The following CAMSAP2 variants were observed in gnomAD, a reference collection of about 807,000 sequenced individuals.
The protein encoded by CAMSAP2 is calmodulin-regulated spectrin-associated protein 2.
CAMSAP2 carries 26 observed loss-of-function variants against 146.1 expected under a neutral mutation model. The observed-to-expected ratio is 0.18, with a 90% CI of 0.13 to 0.25. The LOEUF (loss-of-function observed/expected upper bound fraction) is 0.25, where lower values mean the gene tolerates loss of function less well. CAMSAP2 is among the 10% of genes least tolerant of loss of function. The pLI is 1.00. For missense variants in CAMSAP2, 1,381 were observed against 1,759.3 expected (o/e 0.78, Z 3.85); for synonymous variants, 499 against 596.6 (o/e 0.84, Z 2.38).
chr1:200,777,833 G>A (rs1048515613), intron 2 of CAMSAP2, among the ~76,000 whole-genome samples: 2 of 152,144 alleles, frequency 1.3e-5, no homozygotes, highest in Admixed American at 1.3e-4. Flanking sequence ...CCAGCTACTC[G>A]GGAGGCTGAG....
chr1:200,778,913 C>T (rs1245558734), intron 2 of CAMSAP2, among the ~76,000 whole-genome samples: 2 of 152,250 alleles, frequency 1.3e-5, no homozygotes, highest in South Asian at 4.1e-4. Flanking sequence ...CTATGACCTA[C>T]GGCTCTTGGC....
chr1:200,744,508 A>G (rs767273207), intron 1 of CAMSAP2, among the ~76,000 whole-genome samples: 2 of 152,218 alleles, frequency 1.3e-5, no homozygotes, highest in Non-Finnish European at 2.9e-5. Context: ...GTCAAATCCT[A>G]TGTGTTTAAG....
Position 200,850,225 on chromosome 1 carries a change from C to G in CAMSAP2, c.3456C>G (p.Phe1152Leu), listed in dbSNP as rs747613630. 6.3e-7 allele frequency: 1 copy of G among 1,579,954 alleles called. No homozygotes were observed. Residue 1152 changes from phenylalanine (F) to leucine (L), a missense_variant, in exon 11 of 17, where the codon TTC becomes TTG. By Grantham distance (22) the Phe-to-Leu change is conservative (BLOSUM62 0). Coordinates refer to ENST00000358823, the MANE Select transcript of CAMSAP2 (RefSeq NM_203459.4). The part of the protein sequence containing the change: ...FDDDQKVCCG[F>L]FFKDDQKAEN... The stretch of plus-strand genomic sequence containing the variant: ...ATGACCAGAAAGTATGCTGTGGATT[C>G]TTTTTTAAGGTGTAGTATTAATCTG...
chr1:200,759,047 T>C (rs748519469), intron 1 of CAMSAP2, among the ~76,000 whole-genome samples: 4 of 152,160 alleles, frequency 2.6e-5, no homozygotes, highest in Non-Finnish European at 5.9e-5. Flanking sequence ...TTAGCTAATA[T>C]ACAAAGTCCT....
chr1:200,857,245 ATAG>A lies in CAMSAP2; in HGVS notation c.4013-55_4013-53del. The A allele has an allele frequency of 9.1e-7, 1 of 1,101,970 alleles. No individual in the cohort carries two copies. Among genetic ancestry groups the A allele is most frequent in the African/African-American group, 1.6e-5 (1 of 63,870 alleles). 68.3% of individuals were successfully genotyped at this position (1,101,970 alleles called of 1,614,324 possible). A position where few individuals can be genotyped will look rare whatever the true frequency, so the allele number is the denominator to read the frequency against. On this transcript the variant is annotated intron_variant, in intron 15 of 16. Transcript: ENST00000358823. This position sits in a 1 kb window ranked among gnomAD's most constrained non-coding sequence, Gnocchi z 4.7. ...GTAGGAACAATTACATCATTTTAAA[ATAG>A]TAGTATTTCTGACTTAGGAATGTTA...
Position 200,857,681 on chromosome 1 carries a change from A to G in CAMSAP2, c.4132-73A>G, listed in dbSNP as rs1453550125. ...TGTGACTAAGAAACGTAACATAATT[A>G]TATAAACTTTATTCAGCAAAATAAA... is the stretch of plus-strand genomic sequence containing the variant. On this transcript the variant is annotated intron_variant, in intron 16 of 16. Transcript: ENST00000358823. The surrounding 1 kb of genome is among the most constrained non-coding windows in gnomAD (Gnocchi z 4.7). 1.6e-6 allele frequency: 2 copies of G among 1,267,726 alleles called. No homozygotes were observed. The highest frequency in any genetic ancestry group is 2.2e-6 in the Non-Finnish European group (2 of 915,632). 78.5% of individuals were successfully genotyped at this position (1,267,726 alleles called of 1,614,324 possible). A position where few individuals can be genotyped will look rare whatever the true frequency, so the allele number is the denominator to read the frequency against.
chr1:200,830,052 G>A (rs374377102), intron 4 of CAMSAP2, among the ~76,000 whole-genome samples: 1 of 152,192 alleles, frequency 6.6e-6, no homozygotes, highest in Admixed American at 6.5e-5. Flanking sequence ...AAACTTCTTA[G>A]TTTGCAGAAA....
intron 4 of CAMSAP2, among the ~76,000 whole-genome samples, chr1:200,821,155 C>G (rs1367147322): frequency 6.6e-6 from 1 of 151,312 alleles, no homozygotes; most frequent in Non-Finnish European, 1.5e-5. Flanking sequence ...ATAAATCTAT[C>G]CATATGTAGC....
chr1:200,837,544 T>G (rs918610496), intron 6 of CAMSAP2, among the ~76,000 whole-genome samples: 1 of 152,214 alleles, frequency 6.6e-6, no homozygotes, highest in East Asian at 1.9e-4. Context: ...TAAGATTGCC[T>G]TGGGTATTCA....
At chr1:200,809,125 A>G (rs765849385) in intron 3 of CAMSAP2, among the ~76,000 whole-genome samples, 4 of 152,020 alleles carry the variant, frequency 2.6e-5, no homozygotes, top group Non-Finnish European at 4.4e-5. Context: ...TAATTCTCGG[A>G]CCTTCTGTAA....
chr1:200,826,911 G>T (rs1206977144), intron 4 of CAMSAP2, among the ~76,000 whole-genome samples: 1 of 152,066 alleles, frequency 6.6e-6, no homozygotes, highest in Non-Finnish European at 1.5e-5. Context: ...TGTCCTCGTG[G>T]TTATTTACAT....
At chr1:200,820,333 G>A (rs1035594076) in intron 4 of CAMSAP2, among the ~76,000 whole-genome samples, 2 of 152,136 alleles carry the variant, frequency 1.3e-5, no homozygotes, top group African/African-American at 4.8e-5. Flanking sequence ...TGGGATTATA[G>A]GTATGAGACA....
chr1:200,750,634 T>C (rs1664475191), intron 1 of CAMSAP2, among the ~76,000 whole-genome samples: 1 of 151,644 alleles, frequency 6.6e-6, no homozygotes, highest in African/African-American at 2.4e-5. Flanking sequence ...CATCTTTTTT[T>C]TTTTTTTGAG....
chr1:200,849,577 T>C lies in CAMSAP2; in HGVS notation c.2808T>C (p.Ser936=). 6.2e-7 allele frequency: 1 copy of C among 1,614,216 alleles called. No individual in the cohort carries two copies. The highest frequency in any genetic ancestry group is 8.5e-7 in the Non-Finnish European group (1 of 1,180,032). Residue 936 remains serine (S), a synonymous_variant, in exon 11 of 17, where the codon TCT becomes TCC. Transcript: ENST00000358823. The surrounding 1 kb of genome is among the most constrained non-coding windows in gnomAD (Gnocchi z 6.3). The part of the protein sequence containing the change: ...PQKQIRDFKP[S]KQAGLSSAIA... ...AACAGATTCGAGATTTTAAGCCTTCTAAGCAGGCAGGCCTGTCATCAGCCA... is the reference window on the plus strand; with the variant it reads ...AACAGATTCGAGATTTTAAGCCTTCCAAGCAGGCAGGCCTGTCATCAGCCA...
chr1:200,803,855 A>G (rs1666099247), intron 2 of CAMSAP2, among the ~76,000 whole-genome samples: 2 of 151,640 alleles, frequency 1.3e-5, no homozygotes, highest in South Asian at 2.1e-4. Context: ...TTATTCATTC[A>G]TTTTCCCTTT....
intron 2 of CAMSAP2, among the ~76,000 whole-genome samples, chr1:200,801,978 A>C (rs1215381885): frequency 6.6e-6 from 1 of 152,238 alleles, no homozygotes; most frequent in African/African-American, 2.4e-5. Flanking sequence ...AGTTGAGGAC[A>C]GTAGTAATAC....
chr1:200,806,397 A>G (rs1211379563), intron 2 of CAMSAP2, among the ~76,000 whole-genome samples: 1 of 152,182 alleles, frequency 6.6e-6, no homozygotes, highest in East Asian at 1.9e-4. Flanking sequence ...GTTGATACAG[A>G]TTTTTAAAAG....
At chr1:200,740,398 A>G (rs1426087070) in intron 1 of CAMSAP2, among the ~76,000 whole-genome samples, 2 of 151,988 alleles carry the variant, frequency 1.3e-5, no homozygotes, top group East Asian at 1.9e-4. Context: ...TGATTTTGAC[A>G]TTTGTAATGA....
At chr1:200,833,179 A>C (rs1370869384) in intron 6 of CAMSAP2, among the ~76,000 whole-genome samples, 1 of 152,240 alleles carries the variant, frequency 6.6e-6, no homozygotes, top group Admixed American at 6.5e-5. Context: ...CTTTTGAAGA[A>C]AGTTTTTAAT....
Sources: gnomAD v4.1 joint callset for allele counts (sites outside exome capture counted in the v4.1 genomes callset) on GRCh38, gnomAD v4.1.1 for gene constraint, Gnocchi (gnomAD v3.1) non-coding constraint, MANE v1.5 for transcripts, NCBI Gene and HGNC (gene_info 2026-07-23, HGNC 2026-07-21) for gene names.